The following ADGRB3 variants were observed in gnomAD, a reference collection of about 807,000 sequenced individuals.
The protein encoded by ADGRB3 is adhesion G protein-coupled receptor B3.
In ADGRB3, 37 loss-of-function variants were observed where a neutral mutation model predicts 193.4. The observed-to-expected ratio is 0.19, with a 90% CI of 0.15 to 0.25. The LOEUF (loss-of-function observed/expected upper bound fraction) is 0.25. ADGRB3 is among the 10% of genes least tolerant of loss of function. The probability of loss-of-function intolerance (pLI) is 1.00; values close to 1 mark genes in which losing one functional copy is unlikely to be tolerated. For synonymous variants in ADGRB3, 690 were observed against 644.2 expected, an observed-to-expected ratio of 1.07 and a Z score of -1.08; for missense variants, 1,637 against 1,852.9, an observed-to-expected ratio of 0.88 and a Z score of 2.14.
intron 8 of ADGRB3, among the ~76,000 whole-genome samples, chr6:68,967,738 G>C (rs1449595084): frequency 6.6e-6 from 1 of 152,064 alleles, no homozygotes; most frequent in Admixed American, 6.6e-5. Context: ...CTAAAAACAT[G>C]TATAGATGTT....
chr6:69,351,555 A>T (rs1769226614), intron 26 of ADGRB3, among the ~76,000 whole-genome samples: 1 of 152,130 alleles, frequency 6.6e-6, no homozygotes, highest in Non-Finnish European at 1.5e-5. Flanking sequence ...ATGACCTTGA[A>T]TTTACTGGAG....
At chr6:68,695,611 T>A (rs1258747351) in intron 3 of ADGRB3, among the ~76,000 whole-genome samples, 1 of 151,974 alleles carries the variant, frequency 6.6e-6, no homozygotes, top group Non-Finnish European at 1.5e-5. Flanking sequence ...TTCCTCGGTT[T>A]CTTTTGGTCT....
At chr6:68,663,338 G>A (rs556815792) in intron 3 of ADGRB3, among the ~76,000 whole-genome samples, 14 of 151,630 alleles carry the variant, frequency 9.2e-5, no homozygotes, top group Non-Finnish European at 1.8e-4. Flanking sequence ...TTTTAAAAAT[G>A]TGTGATTTAC....
chr6:68,930,406 A>G (rs1767305994), intron 3 of ADGRB3, among the ~76,000 whole-genome samples, 153 bp from the exon 4 acceptor site: 2 of 152,078 alleles, frequency 1.3e-5, no homozygotes, highest in Admixed American at 6.6e-5. Context: ...TTGAGTTTAG[A>G]GATATTCCAA....
At chr6:68,817,431 A>T (rs1451350349) in intron 3 of ADGRB3, among the ~76,000 whole-genome samples, 1 of 146,494 alleles carries the variant, frequency 6.8e-6, no homozygotes, top group African/African-American at 2.5e-5. Flanking sequence ...TATTCATTAG[A>T]TATCTAGTTT....
rs903308972 is a variant in ADGRB3 at position 68,700,754 on chromosome 6, A to C, written c.757+61322A>C. The stretch of plus-strand genomic sequence containing the variant: ...CCAAACACCGCATGTTCTCACTCAC[A>C]GGTGGGAATTGAACAATGAGAACAC... On this transcript the variant is annotated intron_variant, in intron 3 of 31. Transcript: ENST00000370598. 1.4e-4 allele frequency among the ~76,000 whole-genome samples: 21 copies of C among 144,838 alleles called. No homozygotes were observed. In the Admixed American group the frequency reaches 1.5e-3, roughly 11 times the overall value.
In ADGRB3 at chr6:68,714,435, G is replaced by A. The variant is rs201448934; in HGVS notation, c.757+75003G>A. Among the ~76,000 whole-genome samples, 45 of 151,802 alleles carry A rather than the reference G, an allele frequency of 3.0e-4. No homozygotes were observed. In the East Asian group the frequency reaches 8.8e-3, roughly 30 times the overall value. The stretch of plus-strand genomic sequence containing the variant: ...GCAGGTGTGCACTAACCACAGCTAG[G>A]CTCATCTATTTATTTTGCCTAATAG... On this transcript the variant is annotated intron_variant, in intron 3 of 31. Coordinates refer to ENST00000370598, the MANE Select transcript of ADGRB3 (RefSeq NM_001704.3).
intron 3 of ADGRB3, among the ~76,000 whole-genome samples, chr6:68,648,237 C>A (rs967475071): frequency 6.6e-6 from 1 of 152,072 alleles, no homozygotes; most frequent in Admixed American, 6.6e-5. Flanking sequence ...TGAATAGGAG[C>A]CTTCCTGAAA....
intron 3 of ADGRB3, among the ~76,000 whole-genome samples, chr6:68,720,648 T>A (rs1765559564): frequency 6.6e-6 from 1 of 151,732 alleles, no homozygotes; most frequent in Non-Finnish European, 1.5e-5. Flanking sequence ...TAGAATAAAG[T>A]ACAATATCTC....
chr6:68,817,936 C>T (rs930292730), intron 3 of ADGRB3, among the ~76,000 whole-genome samples: 6 of 152,012 alleles, frequency 3.9e-5, no homozygotes, highest in Non-Finnish European at 8.8e-5. Flanking sequence ...TTGTGATTTG[C>T]ATCATTTTAG....
At chr6:69,106,085 G>A (rs1773202912) in intron 17 of ADGRB3, among the ~76,000 whole-genome samples, 1 of 149,088 alleles carries the variant, frequency 6.7e-6, no homozygotes, top group Admixed American at 6.7e-5. Flanking sequence ...CTTAAACCCG[G>A]GAGGCAGAGG....
chr6:68,838,337 A>G (rs138312853), intron 3 of ADGRB3, among the ~76,000 whole-genome samples: 375 of 152,174 alleles, frequency 2.5e-3, no homozygotes, highest in Middle Eastern at 6.8e-3. Flanking sequence ...AAACTGTAAA[A>G]CTCGCAGTAA....
intron 11 of ADGRB3, among the ~76,000 whole-genome samples, chr6:69,004,629 G>A (rs1193407367): frequency 1.4e-5 from 2 of 141,664 alleles, no homozygotes; most frequent in African/African-American, 5.4e-5. Flanking sequence ...TGTTCTCATT[G>A]TTCAGTTCCC....
chr6:69,256,689 C>G (rs1312623356), intron 20 of ADGRB3, among the ~76,000 whole-genome samples: 1 of 152,166 alleles, frequency 6.6e-6, no homozygotes, highest in Non-Finnish European at 1.5e-5. Context: ...AATGAATACC[C>G]TTTATTTCCT....
intron 3 of ADGRB3, among the ~76,000 whole-genome samples, chr6:68,902,828 C>T (rs983534457): frequency 4.6e-5 from 7 of 152,216 alleles, no homozygotes; most frequent in African/African-American, 1.7e-4. Flanking sequence ...GGACTAGACA[C>T]TGATTAAAAG....
chr6:68,873,542 G>A (rs931154331), intron 3 of ADGRB3, among the ~76,000 whole-genome samples: 5 of 152,076 alleles, frequency 3.3e-5, no homozygotes, highest in Admixed American at 2.6e-4. Context: ...ACTAGATAAG[G>A]AAAATTAAAA....
intron 13 of ADGRB3, among the ~76,000 whole-genome samples, chr6:69,024,945 A>C (rs1367327202): frequency 6.6e-6 from 1 of 152,104 alleles, no homozygotes; most frequent in Non-Finnish European, 1.5e-5. Context: ...ACAAAAAATT[A>C]GCCGGGCGTG....
intron 17 of ADGRB3, among the ~76,000 whole-genome samples, chr6:69,230,214 T>C (rs1766103239): frequency 6.6e-6 from 1 of 152,240 alleles, no homozygotes; most frequent in Non-Finnish European, 1.5e-5. Context: ...TTTTTGCTTC[T>C]GATATCATCA....
rs1362415528 is a variant in ADGRB3, at chr6:68,661,431, A to G, written c.757+21999A>G. ...TATGTGTGTGTATATATATGTGTAT[A>G]CATATATATATGTGTGTATACATAT... is the stretch of plus-strand genomic sequence containing the variant. On this transcript the variant is annotated intron_variant, in intron 3 of 31. Coordinates refer to ENST00000370598, the MANE Select transcript of ADGRB3 (RefSeq NM_001704.3). Among the ~76,000 whole-genome samples, 2 of 102,304 alleles carry G rather than the reference A, an allele frequency of 2.0e-5. 1 individual carries two copies. The highest frequency in any genetic ancestry group is 3.9e-5 in the Non-Finnish European group (2 of 50,808). 67.1% of individuals were successfully genotyped at this position (102,304 alleles called of 152,430 possible).
Sources: allele counts gnomAD v4.1 joint callset (sites outside exome capture counted in the v4.1 genomes callset), GRCh38; gene constraint gnomAD v4.1.1; transcripts MANE v1.5; gene names NCBI Gene and HGNC (gene_info 2026-07-23, HGNC 2026-07-21).